Variants in POSTN observed in about 807,000 individuals in gnomAD.
POSTN encodes osteoblast specific factor 2 (fasciclin I-like).
A neutral mutation model predicts 104.5 loss-of-function variants in POSTN; 71 were observed. The observed-to-expected ratio is 0.68, with a 90% CI of 0.56 to 0.83. The LOEUF is 0.83. Ranked by LOEUF, POSTN falls within the 40% of genes least tolerant of loss-of-function variation. The probability of loss-of-function intolerance (pLI) is 0.00; values close to 1 mark genes in which losing one functional copy is unlikely to be tolerated. For missense variants in POSTN, 949 were observed against 1,006.8 expected (o/e 0.94, Z 0.78); for synonymous variants, 355 against 340.7 (o/e 1.04, Z -0.46).
Position 37,587,856 on chromosome 13 carries a change from T to C in POSTN, c.572A>G (p.Asn191Ser), listed in dbSNP as rs1449599973. The change falls in exon 5 of 23, where the codon AAT becomes AGT. Residue 191 changes from asparagine (N) to serine (S), a missense_variant. Physicochemically the swap from Asn to Ser is conservative, Grantham distance 46. Coordinates refer to ENST00000379747, the MANE Select transcript of POSTN (RefSeq NM_006475.3). ...NGMIIPSMYN[N>S]LGLFINHYPN... ...ATAATGGTTAATGAAAAGCCCCAAATTGTTATACATTGAAGGAATAATCAT... is the reference window on the plus strand; with the variant it reads ...ATAATGGTTAATGAAAAGCCCCAAACTGTTATACATTGAAGGAATAATCAT... 1.2e-6 allele frequency: 2 copies of C among 1,604,272 alleles called. No individual in the cohort carries two copies. The highest frequency in any genetic ancestry group is 1.7e-6 in the Non-Finnish European group (2 of 1,172,384).
chr13:37,583,473 A>C (rs1285608713), intron 9 of POSTN, among the ~76,000 whole-genome samples: 4 of 128,682 alleles, frequency 3.1e-5, no homozygotes, highest in Non-Finnish European at 6.2e-5. Flanking sequence ...ACGGAGTCTC[A>C]CTCTGTCGCC....
intron 4 of POSTN, 92 bp from the exon 5 acceptor site, chr13:37,588,078 C>A: frequency 9.7e-7 from 1 of 1,035,318 alleles, no homozygotes; most frequent in Non-Finnish European, 1.4e-6. Context: ...TTGCTATTTT[C>A]TCATTTCATT....
Position 37,579,890 on chromosome 13 carries a change from AT to A in POSTN, c.1630del (p.Met544Ter), listed in dbSNP as rs1410075130. 2 of 1,613,192 alleles carry A rather than the reference AT, an allele frequency of 1.2e-6. No homozygotes were observed. The highest frequency in any genetic ancestry group is 1.3e-5 in the African/African-American group (1 of 75,016). ...FVPTNDAFKG[M>X]TSEEKEILIR... is the part of the protein sequence containing the mutation. ...CAGAATTTCTTTTTCTTCACTAGTC[AT>A]TCCCTTAAAAGCATCATTGGTTGGC... On this transcript the variant is annotated frameshift_variant, in exon 12 of 23. Transcript: ENST00000379747. LOFTEE classifies it high-confidence loss of function.
chr13:37,590,393 C>A lies in POSTN; in HGVS notation c.420G>T (p.Glu140Asp). ...GSFTYFAPSN[E>D]AWDNLDSDIR... ...TTACAGAATCCAAGTTGTCCCAAGC[C>A]TCATTACTCGGTGCAAAGTAAGTGA... is the stretch of plus-strand genomic sequence containing the variant. The change falls in exon 4 of 23, where the codon GAG becomes GAT. Residue 140 changes from glutamate (E) to aspartate (D), a missense_variant. By Grantham distance (45) the Glu-to-Asp change is conservative. Transcript: ENST00000379747. The A allele has an allele frequency of 6.3e-7, 1 of 1,589,450 alleles. No individual in the cohort carries two copies. The highest frequency in any genetic ancestry group is 8.6e-7 in the Non-Finnish European group (1 of 1,166,600).
At chr13:37,580,821 C>T in intron 10 of POSTN, 124 bp from the exon 11 acceptor site, 3 of 1,121,418 alleles carry the variant, frequency 2.7e-6, no homozygotes, top group South Asian at 1.5e-5. Context: ...TCTGAGGCCA[C>T]GGGAACAGCT....
intron 2 of POSTN, among the ~76,000 whole-genome samples, chr13:37,593,332 T>A (rs1214398037): frequency 1.3e-5 from 2 of 150,100 alleles, no homozygotes; most frequent in Admixed American, 6.7e-5. Context: ...TAATCCTAAT[T>A]TTTATTTTTT....
intron 1 of POSTN, 138 bp downstream of exon 1, chr13:37,598,470 T>G (rs946911231): frequency 1.4e-5 from 10 of 693,120 alleles, no homozygotes; most frequent in African/African-American, 1.8e-5. Context: ...ATACTCACAT[T>G]TTCCTTTTTT....
chr13:37,598,352 GTTAA>G (rs1356308265), intron 1 of POSTN, among the ~76,000 whole-genome samples: 1 of 152,212 alleles, frequency 6.6e-6, no homozygotes, highest in East Asian at 1.9e-4. Context: ...GCTAAATTGT[GTTAA>G]TTAGATTAGA....
intron 17 of POSTN, among the ~76,000 whole-genome samples, chr13:37,572,519 C>A (rs538840340): frequency 6.6e-6 from 1 of 151,346 alleles, no homozygotes; most frequent in Non-Finnish European, 1.5e-5. Flanking sequence ...ACCAAAAATG[C>A]GTTAATAAAA....
At chr13:37,587,376 T>C (rs1458945961) in intron 5 of POSTN, among the ~76,000 whole-genome samples, 1 of 152,204 alleles carries the variant, frequency 6.6e-6, no homozygotes, top group African/African-American at 2.4e-5. Context: ...TTCATTGACC[T>C]CTTTCGTCCC....
chr13:37,586,137 A>G lies in POSTN; in HGVS notation c.895+2T>C, dbSNP rs1593351140. The G allele has an allele frequency of 6.2e-7, 1 of 1,609,684 alleles. No homozygotes were observed. The highest frequency in any genetic ancestry group is 8.5e-7 in the Non-Finnish European group (1 of 1,177,694). On this transcript the variant is annotated splice_donor_variant, in intron 7 of 22. Coordinates refer to ENST00000379747, the MANE Select transcript of POSTN (RefSeq NM_006475.3). LOFTEE classifies it high-confidence loss of function. ...TCCTTAGAGATGAAGACATTAAACT[A>G]CCTTCGGAAGCCACTTTGTCTCCCA... is the stretch of plus-strand genomic sequence containing the variant.
chr13:37,592,151 C>T lies in POSTN; in HGVS notation c.232G>A (p.Glu78Lys), dbSNP rs751972690. 2 of 1,597,880 alleles carry T rather than the reference C, an allele frequency of 1.3e-6. No individual in the cohort carries two copies. Among genetic ancestry groups the T allele is most frequent in the South Asian group, 1.1e-5 (1 of 90,622 alleles). The change falls in exon 3 of 23, where the codon GAA becomes AAA. Residue 78 changes from glutamate to lysine, a missense_variant. Physicochemically the swap from Glu to Lys is moderately conservative, Grantham distance 56. Coordinates refer to ENST00000379747, the MANE Select transcript of POSTN (RefSeq NM_006475.3). Reference sequence around the variant, plus strand: ...ATTCTCATATAACCAGGGCAACATTCATATAACACAGTCCTGTACATAGGA... The same window carrying T: ...ATTCTCATATAACCAGGGCAACATTTATATAACACAGTCCTGTACATAGGA... ...ICGQKTTVLY[E>K]CCPGYMRMEG...
chr13:37,577,243 T>C (rs1950435980), intron 16 of POSTN, among the ~76,000 whole-genome samples: 1 of 152,210 alleles, frequency 6.6e-6, no homozygotes, highest in African/African-American at 2.4e-5. Flanking sequence ...ACTTTAAATT[T>C]GTCACATGGC....
chr13:37,575,973 C>A (rs1950396811), intron 16 of POSTN, among the ~76,000 whole-genome samples: 1 of 152,094 alleles, frequency 6.6e-6, no homozygotes, highest in Non-Finnish European at 1.5e-5. Flanking sequence ...TTTTAGCTTA[C>A]ATTTTTTACA....
chr13:37,566,149 A>T (rs1950092203), intron 21 of POSTN, among the ~76,000 whole-genome samples: 1 of 152,156 alleles, frequency 6.6e-6, no homozygotes, highest in South Asian at 2.1e-4. Flanking sequence ...ATGTGTAGAA[A>T]ACAGGTTTAC....
chr13:37,579,773 T>C (rs1270871911), intron 12 of POSTN, 88 bp downstream of exon 12: 2 of 1,444,606 alleles, frequency 1.4e-6, no homozygotes, highest in African/African-American at 2.9e-5. Flanking sequence ...GGGGGCATTT[T>C]TAAGGCAGAC....
In POSTN at chr13:37,597,287, AG is replaced by A; in HGVS notation, c.120-6del. 1 of 1,562,782 alleles carries A rather than the reference AG, an allele frequency of 6.4e-7. No homozygotes were observed. The highest frequency in any genetic ancestry group is 8.6e-7 in the Non-Finnish European group (1 of 1,157,502). ...TGAAGGGCACAGACATTTGGGCTGG[AG>A]GATAGAGGGAAAGGAAAAAAGTTAA... On this transcript the variant is annotated splice_region_variant and splice_polypyrimidine_tract_variant and intron_variant, in intron 1 of 22. Transcript: ENST00000379747.
intron 7 of POSTN, among the ~76,000 whole-genome samples, chr13:37,585,895 AT>A (rs1950728068): frequency 6.6e-6 from 1 of 152,196 alleles, no homozygotes; most frequent in African/African-American, 2.4e-5. Context: ...ATCCTTCTGA[AT>A]ATCTACTACT....
intron 13 of POSTN, 53 bp downstream of exon 13, chr13:37,579,176 A>G (rs1291062037): frequency 6.2e-7 from 1 of 1,602,854 alleles, no homozygotes; most frequent in Non-Finnish European, 8.5e-7. Flanking sequence ...ATGAATATTT[A>G]GATAACTTAA....
Sources: allele counts gnomAD v4.1 joint callset (sites outside exome capture counted in the v4.1 genomes callset), GRCh38; gene constraint gnomAD v4.1.1; transcripts MANE v1.5; gene names NCBI Gene and HGNC (gene_info 2026-07-23, HGNC 2026-07-21).